Variants in ARID1B observed in about 807,000 individuals in gnomAD.
ARID1B encodes the protein AT-rich interaction domain 1B.
ARID1B carries 30 observed loss-of-function variants against 212.3 expected under a neutral mutation model. That is an observed-to-expected ratio of 0.14 (90% CI 0.11 to 0.19). The LOEUF (loss-of-function observed/expected upper bound fraction) is 0.19, where lower values mean the gene tolerates loss of function less well. ARID1B is among the 10% of genes least tolerant of loss of function. The pLI, the probability that ARID1B is intolerant of heterozygous loss-of-function variation, is 1.00. For synonymous variants in ARID1B, 1,402 were observed against 1,301.7 expected, an observed-to-expected ratio of 1.08 and a Z score of -1.66; for missense variants, 2,891 against 3,204.0, an observed-to-expected ratio of 0.90 and a Z score of 2.36.
At chr6:157,108,199 A>G (rs1443095690) in intron 5 of ARID1B, among the ~76,000 whole-genome samples, 2 of 152,236 alleles carry the variant, frequency 1.3e-5, no homozygotes, top group Admixed American at 1.3e-4. Flanking sequence ...GTATGTGAAT[A>G]TTCTCATTGC....
At chr6:156,888,019 A>T (rs547857265) in intron 2 of ARID1B, among the ~76,000 whole-genome samples, 1 of 152,282 alleles carries the variant, frequency 6.6e-6, no homozygotes, top group South Asian at 2.1e-4. Flanking sequence ...TCCCCACCCC[A>T]TAGTTATCTC....
chr6:157,205,849 A>AATTT (rs1027171616), intron 19 of ARID1B: 9 of 288,624 alleles, frequency 3.1e-5, no homozygotes, highest in Non-Finnish European at 6.6e-6. Flanking sequence ...CAGAAAGGTA[A>AATTT]AGAACAGCAA....
At chr6:157,022,109 G>T (rs983956125) in intron 4 of ARID1B, among the ~76,000 whole-genome samples, 1 of 152,008 alleles carries the variant, frequency 6.6e-6, no homozygotes, top group Non-Finnish European at 1.5e-5. Context: ...CAGCAGGGCC[G>T]CGGAGCCCAG....
intron 2 of ARID1B, 68 bp downstream of exon 2, chr6:156,829,489 T>A (rs2128047954): frequency 6.9e-7 from 1 of 1,457,636 alleles, no homozygotes; most frequent in Non-Finnish European, 9.2e-7. Flanking sequence ...GCTGTCCACC[T>A]AAGATTGATG....
intron 8 of ARID1B, among the ~76,000 whole-genome samples, chr6:157,163,335 G>A (rs1428192374): frequency 1.3e-5 from 2 of 152,164 alleles, no homozygotes; most frequent in Non-Finnish European, 2.9e-5. Flanking sequence ...GCAACACCAC[G>A]CTGAGCAGGA....
At chr6:157,061,381 G>GAAGT (rs1783333078) in intron 4 of ARID1B, among the ~76,000 whole-genome samples, 1 of 152,158 alleles carries the variant, frequency 6.6e-6, no homozygotes, top group Non-Finnish European at 1.5e-5. Flanking sequence ...GGAGCACATG[G>GAAGT]AAGTGCTCCA....
intron 6 of ARID1B, among the ~76,000 whole-genome samples, chr6:157,122,935 G>A (rs1289091773): frequency 6.6e-6 from 1 of 152,160 alleles, no homozygotes; most frequent in Non-Finnish European, 1.5e-5. Context: ...ACCCGCCTCA[G>A]CCTCCCAAAG....
At chr6:156,881,108 A>G (rs927449757) in intron 2 of ARID1B, among the ~76,000 whole-genome samples, 1 of 152,164 alleles carries the variant, frequency 6.6e-6, no homozygotes, top group African/African-American at 2.4e-5. Context: ...GAGCCCTGCC[A>G]GGTGAGTTGG....
intron 4 of ARID1B, chr6:156,976,803 TC>T: frequency 1.8e-6 from 1 of 562,716 alleles, no homozygotes; most frequent in Admixed American, 1.9e-5. Context: ...CAGGAAAAAC[TC>T]CTAACTCAGT....
chr6:157,108,752 C>G (rs1411548471), intron 5 of ARID1B, among the ~76,000 whole-genome samples: 2 of 152,124 alleles, frequency 1.3e-5, no homozygotes, highest in Non-Finnish European at 2.9e-5. Context: ...ATGTCTGAAA[C>G]CAAATGGATA....
chr6:157,110,472 G>A lies in ARID1B; in HGVS notation c.2492G>A (p.Gly831Asp). Residue 831 changes from glycine (G) to aspartate (D), a missense_variant and splice_region_variant, in exon 6 of 20, where the codon GGT (glycine) becomes GAT (aspartate). Gly to Asp is a moderately conservative substitution (Grantham distance 94). Transcript: ENST00000636930. The stretch of plus-strand genomic sequence containing the variant: ...CCACTTTCCCTCCTGTGTTTTACAG[G>A]TAGTCAGATGCCTCCGCAGCCACCC... ...SGPISPASIP[G>D]SQMPPQPPGS... 1 of 1,614,006 alleles carries A rather than the reference G, an allele frequency of 6.2e-7. No homozygotes were observed. Among genetic ancestry groups the A allele is most frequent in the Non-Finnish European group, 8.5e-7 (1 of 1,179,990 alleles).
chr6:157,060,320 CAT>C (rs1445267214), intron 4 of ARID1B, among the ~76,000 whole-genome samples: 7 of 152,120 alleles, frequency 4.6e-5, no homozygotes, highest in African/African-American at 1.4e-4. Flanking sequence ...GTATAGTAGA[CAT>C]GTGCGCAACT....
Position 157,158,689 on chromosome 6 carries a change from C to T in ARID1B, c.3090-8351C>T, listed in dbSNP as rs746493557. On this transcript the variant is annotated intron_variant, in intron 8 of 19. Coordinates refer to ENST00000636930, the MANE Select transcript of ARID1B (RefSeq NM_001374828.1). ...TTCTGTGGCTCCTCGGCAGCTAAGC[C>T]ACTTTGGGATTAGCAGTTCACTCCC... 1.5e-3 allele frequency among the ~76,000 whole-genome samples: 221 copies of T among 152,272 alleles called. 2 individuals carry two copies. Among genetic ancestry groups the T allele is most frequent in the Non-Finnish European group, 1.5e-3 (105 of 68,020 alleles).
At chr6:156,886,287 G>A (rs1404753155) in intron 2 of ARID1B, among the ~76,000 whole-genome samples, 1 of 152,162 alleles carries the variant, frequency 6.6e-6, no homozygotes, top group Non-Finnish European at 1.5e-5. Context: ...CCGCCTCCTG[G>A]GTTTAAGTGA....
At chr6:157,181,802 A>G (rs1792560109) in intron 12 of ARID1B, among the ~76,000 whole-genome samples, 1 of 152,140 alleles carries the variant, frequency 6.6e-6, no homozygotes, top group African/African-American at 2.4e-5. Context: ...GGCTTTCCTC[A>G]CTGTAGCCCT....
At position 157,163,061 on chromosome 6, in the gene ARID1B, C is replaced by T. The variant is rs547617860; in HGVS notation, c.3090-3979C>T. Among the ~76,000 whole-genome samples, 3 of 152,296 alleles carry T rather than the reference C, an allele frequency of 2.0e-5. No individual in the cohort carries two copies. The East Asian group carries it at 5.8e-4, about 29-fold the overall frequency. On this transcript the variant is annotated intron_variant, in intron 8 of 19. Transcript: ENST00000636930. ...CACATTGGAAACATTCTGCTCGTTT[C>T]AATTCATGTTTTTGCCTGTTTTTGT...
chr6:156,861,788 C>A (rs1037625703), intron 2 of ARID1B, among the ~76,000 whole-genome samples: 1 of 152,090 alleles, frequency 6.6e-6, no homozygotes, highest in African/African-American at 2.4e-5. Flanking sequence ...AGTCTGTACT[C>A]TAGAAGGCTC....
chr6:156,943,107 A>G (rs1327947346), intron 4 of ARID1B: 2 of 152,196 alleles, frequency 1.3e-5, no homozygotes, highest in Non-Finnish European at 2.9e-5. Flanking sequence ...TTCCCTCACA[A>G]TGTAGGATTT....
chr6:157,189,810 A>G (rs1267689411), intron 14 of ARID1B, 30 bp downstream of exon 14: 5 of 1,612,766 alleles, frequency 3.1e-6, no homozygotes, highest in Admixed American at 1.7e-5. Context: ...TGAGGCATAC[A>G]AAGTCACATT....
Sources: gnomAD v4.1 joint callset for allele counts (sites outside exome capture counted in the v4.1 genomes callset) on GRCh38, gnomAD v4.1.1 for gene constraint, MANE v1.5 for transcripts, NCBI Gene and HGNC (gene_info 2026-07-23, HGNC 2026-07-21) for gene names.